MYO9A: variants seen among roughly 807,000 people sequenced by gnomAD.
MYO9A encodes the protein unconventional myosin-IXa.
A neutral mutation model predicts 293.3 loss-of-function variants in MYO9A; 103 were observed. The observed-to-expected ratio is 0.35, with a 90% confidence interval of 0.30 to 0.41. The LOEUF is 0.41. Ranked by LOEUF, MYO9A falls within the 10% of genes least tolerant of loss-of-function variation. The pLI is 1.00. For missense variants in MYO9A, 2,685 were observed against 3,033.0 expected, an observed-to-expected ratio of 0.89 and a Z score of 2.69; for synonymous variants, 1,001 against 1,035.7, an observed-to-expected ratio of 0.97 and a Z score of 0.64.
At chr15:71,928,343 C>G (rs1217060061) in intron 18 of MYO9A, among the ~76,000 whole-genome samples, 1 of 151,580 alleles carries the variant, frequency 6.6e-6, no homozygotes, top group South Asian at 2.1e-4. Flanking sequence ...TCCCAAAGTG[C>G]TGTCTAATAT....
chr15:71,991,217 A>T lies in MYO9A; in HGVS notation c.1608T>A (p.Leu536=). 6.2e-7 allele frequency: 1 copy of T among 1,603,130 alleles called. No individual in the cohort carries two copies. Among genetic ancestry groups the T allele is most frequent in the Non-Finnish European group, 8.5e-7 (1 of 1,174,186 alleles). ...CATAATCTTCAAACCCAAAAATATCAAGAACACCAATAGACAATGTCTGTA... is the reference window on the plus strand; with the variant it reads ...CATAATCTTCAAACCCAAAAATATCTAGAACACCAATAGACAATGTCTGTA... ...HNTKTLSIGV[L]DIFGFEDYEN... The change falls in exon 11 of 42, where the codon CTT becomes CTA. Residue 536 remains leucine (L), a synonymous_variant. Coordinates refer to ENST00000356056, the MANE Select transcript of MYO9A (RefSeq NM_006901.4).
At chr15:72,110,949 G>T (rs2080758792) in intron 1 of MYO9A, among the ~76,000 whole-genome samples, 1 of 151,642 alleles carries the variant, frequency 6.6e-6, no homozygotes, top group Non-Finnish European at 1.5e-5. Flanking sequence ...CACAAGGTCA[G>T]GAGATCGAGA....
Position 72,006,838 on chromosome 15 carries a change from A to C in MYO9A, c.1380+988T>G, listed in dbSNP as rs1010380788. ...GAAATGAGTGAAGTCTGCAGGATTA[A>C]AGGCAGAAGGAATTGCTCATAAGCA... On this transcript the variant is annotated intron_variant, in intron 8 of 41. Coordinates refer to ENST00000356056, the MANE Select transcript of MYO9A (RefSeq NM_006901.4). Among the ~76,000 whole-genome samples the C allele has an allele frequency of 4.6e-5, 7 of 152,228 alleles. 1 individual carries two copies. The highest frequency in any genetic ancestry group is 6.3e-3 in the Middle Eastern group (2 of 316).
intron 28 of MYO9A, among the ~76,000 whole-genome samples, chr15:71,881,817 C>T (rs558342065): frequency 1.3e-5 from 2 of 152,250 alleles, no homozygotes; most frequent in South Asian, 4.1e-4. Context: ...CAAGAATTAG[C>T]AGCAAAGAAT....
At chr15:72,075,603 CA>C in intron 1 of MYO9A, among the ~76,000 whole-genome samples, 1 of 151,746 alleles carries the variant, frequency 6.6e-6, no homozygotes, top group Non-Finnish European at 1.5e-5. Context: ...TCCATGAATT[CA>C]GAGAGGTCAA....
At chr15:72,028,737 C>A (rs2077766186) in intron 3 of MYO9A, among the ~76,000 whole-genome samples, 1 of 151,614 alleles carries the variant, frequency 6.6e-6, no homozygotes, top group African/African-American at 2.4e-5. Flanking sequence ...ACTACACATT[C>A]TTCCAGACAT....
chr15:71,935,186 G>A lies in MYO9A; in HGVS notation c.2522+155C>T, dbSNP rs28514321. 1,282 of 764,278 alleles carry A rather than the reference G, an allele frequency of 1.7e-3. 13 individuals carry two copies. The African/African-American group carries it at 0.02, about 12-fold the overall frequency. The allele number at this position is 764,278 out of a possible 1,614,324, so 47.3% of individuals were successfully genotyped here. ...ACACATGAGATTCATGGCTGTAAAC[G>A]CTACCTAAATAACTTTGAGTCTTGT... On this transcript the variant is annotated intron_variant, in intron 17 of 41. Transcript: ENST00000356056.
intron 12 of MYO9A, 81 bp downstream of exon 12, chr15:71,978,090 A>T: frequency 6.8e-7 from 1 of 1,479,874 alleles, no homozygotes; most frequent in Non-Finnish European, 9.2e-7. Flanking sequence ...TTTATTTGGT[A>T]ATGTAAGAAA....
intron 1 of MYO9A, among the ~76,000 whole-genome samples, chr15:72,096,607 T>C (rs1337078328): frequency 1.3e-5 from 2 of 152,200 alleles, no homozygotes; most frequent in East Asian, 1.9e-4. Context: ...CTGCAGCCCA[T>C]GGATCAAGGA....
At chr15:72,035,404 T>A (rs2078013432) in intron 2 of MYO9A, among the ~76,000 whole-genome samples, 1 of 152,206 alleles carries the variant, frequency 6.6e-6, no homozygotes, top group Non-Finnish European at 1.5e-5. Context: ...TTTAACAAAC[T>A]GTGATTCATC....
At position 71,898,065 on chromosome 15, in the gene MYO9A, T is replaced by C; in HGVS notation, c.4438A>G (p.Thr1480Ala). ...TTAAGCACAGGATTAGAAGACTCTG[T>C]ATTCAAAGAAGGAACAATCTGATCT... ...GKDQIVPSLN[T>A]ESSNPVLKKL... Residue 1480 changes from threonine to alanine, a missense_variant, in exon 25 of 42, where the codon ACA (threonine) becomes GCA (alanine). Thr to Ala is a moderately conservative substitution (Grantham distance 58, BLOSUM62 0). This residue lies in a region of MYO9A where 1,434 missense variants were observed against 1,497.7 expected (regional missense o/e 0.96). Transcript: ENST00000356056. The C allele has an allele frequency of 6.2e-7, 1 of 1,614,202 alleles. No homozygotes were observed. Among genetic ancestry groups the C allele is most frequent in the Non-Finnish European group, 8.5e-7 (1 of 1,180,046 alleles).
chr15:72,090,413 G>C (rs913412172), intron 1 of MYO9A, among the ~76,000 whole-genome samples: 2 of 152,072 alleles, frequency 1.3e-5, no homozygotes, highest in African/African-American at 4.8e-5. Context: ...AAACAAGGTT[G>C]GCTGTCCCTG....
chr15:71,831,223 C>T (rs954811995), intron 39 of MYO9A, among the ~76,000 whole-genome samples: 1 of 152,148 alleles, frequency 6.6e-6, no homozygotes, highest in Non-Finnish European at 1.5e-5. Flanking sequence ...CAGAGGACGG[C>T]AAACTATAGC....
chr15:72,024,128 C>T (rs370380437), intron 4 of MYO9A, among the ~76,000 whole-genome samples: 2 of 152,148 alleles, frequency 1.3e-5, no homozygotes, highest in East Asian at 3.8e-4. Flanking sequence ...TTGGACTTCA[C>T]AGCTATAGAT....
At chr15:72,009,879 A>G (rs938405015) in intron 7 of MYO9A, among the ~76,000 whole-genome samples, 1 of 152,150 alleles carries the variant, frequency 6.6e-6, no homozygotes, top group Non-Finnish European at 1.5e-5. Flanking sequence ...TCAAATTTTT[A>G]TATTTTTAAA....
intron 6 of MYO9A, among the ~76,000 whole-genome samples, chr15:72,010,774 C>T (rs1321375667): frequency 1.3e-5 from 2 of 152,094 alleles, no homozygotes; most frequent in African/African-American, 4.8e-5. Context: ...TTGAGTGGTT[C>T]TAAAGGGTTT....
Position 72,117,743 on chromosome 15 carries a change from TCCGCCCC to T in MYO9A, c.-142_-136del. On this transcript the variant is annotated 5_prime_UTR_variant, in exon 1 of 42. Coordinates refer to ENST00000356056, the MANE Select transcript of MYO9A (RefSeq NM_006901.4). ...CTTCGACGGAAGCTGCCTTCCACCC[TCCGCCCC>T]AGGGTAGGACCGGAGATGGCAGAAG... 5.1e-6 allele frequency: 2 copies of T among 394,560 alleles called. No homozygotes were observed. Among genetic ancestry groups the T allele is most frequent in the Middle Eastern group, 6.4e-4 (1 of 1,558 alleles). 24.4% of individuals were successfully genotyped at this position (394,560 alleles called of 1,614,324 possible).
rs949843955 is a variant in MYO9A at position 71,951,429 on chromosome 15, T to G, written c.2302+348A>C. Among the ~76,000 whole-genome samples, 13 of 144,670 alleles carry G rather than the reference T, an allele frequency of 9.0e-5. 1 individual carries two copies. The highest frequency in any genetic ancestry group is 3.1e-5 in the Non-Finnish European group (2 of 65,394). 94.9% of individuals were successfully genotyped at this position (144,670 alleles called of 152,430 possible). A position where few individuals can be genotyped will look rare whatever the true frequency, so the allele number is the denominator to read the frequency against. On this transcript the variant is annotated intron_variant, in intron 15 of 41. Transcript: ENST00000356056. ...TTACTTCAATTAGACCTCAATAAAG[T>G]TTTTTTTGTTGTTTTTTTTTTTATG...
intron 34 of MYO9A, among the ~76,000 whole-genome samples, chr15:71,857,685 A>G (rs184466424): frequency 1.6e-4 from 23 of 147,742 alleles, no homozygotes; most frequent in African/African-American, 5.6e-4. Flanking sequence ...TTGTATCGAC[A>G]GTTTTTTTTT....
Sources: allele counts gnomAD v4.1 joint callset (sites outside exome capture counted in the v4.1 genomes callset), GRCh38; gene constraint gnomAD v4.1.1; regional missense constraint gnomAD v4.1.1; transcripts MANE v1.5; gene names NCBI Gene and HGNC (gene_info 2026-07-23, HGNC 2026-07-21).